Variants in CNTN5 observed in about 807,000 individuals in gnomAD.
CNTN5 encodes contactin 5, also known as contactin-5.
CNTN5 carries 77 observed loss-of-function variants against 129.1 expected under a neutral mutation model. The ratio of observed to expected loss-of-function variants is 0.60; its 90% CI spans 0.50 to 0.72. The LOEUF (loss-of-function observed/expected upper bound fraction) is 0.72, where lower values mean the gene tolerates loss of function less well. Ranked by LOEUF, CNTN5 falls within the 30% of genes least tolerant of loss-of-function variation. The pLI, the probability that CNTN5 is intolerant of heterozygous loss-of-function variation, is 0.00. For missense variants in CNTN5, 1,478 were observed against 1,328.8 expected (o/e 1.11, Z -1.75); for synonymous variants, 509 against 465.6 (o/e 1.09, Z -1.20).
chr11:99,859,559 G>A (rs1948144424), intron 6 of CNTN5, among the ~76,000 whole-genome samples: 2 of 152,056 alleles, frequency 1.3e-5, no homozygotes, highest in African/African-American at 2.4e-5. Context: ...GTATCCACAT[G>A]TACCCATTAT....
Position 99,998,230 on chromosome 11 carries a change from C to T in CNTN5, c.878-3804C>T, listed in dbSNP as rs571504726. ...AAGTCAAATTGTCCCTGTTTGCAGA[C>T]GACATGATTGCACATCCAGAAAACC... is the stretch of plus-strand genomic sequence containing the variant. On this transcript the variant is annotated intron_variant, in intron 8 of 24. Coordinates refer to ENST00000524871, the MANE Select transcript of CNTN5 (RefSeq NM_014361.4). 1.3e-4 allele frequency among the ~76,000 whole-genome samples: 19 copies of T among 151,948 alleles called. No homozygotes were observed. The South Asian group carries it at 2.7e-3, about 22-fold the overall frequency.
chr11:99,473,807 A>C (rs10893384), intron 2 of CNTN5, among the ~76,000 whole-genome samples: 40,156 of 151,720 alleles, frequency 0.26, 5,594 homozygotes, highest in Admixed American at 0.36. Flanking sequence ...ATTATATTTA[A>C]AATATAATAT....
chr11:99,453,987 T>C (rs968637196), intron 2 of CNTN5, among the ~76,000 whole-genome samples: 2 of 152,162 alleles, frequency 1.3e-5, no homozygotes, highest in African/African-American at 4.8e-5. Context: ...GTTGATTTAG[T>C]ATTCCAATCT....
intron 1 of CNTN5, among the ~76,000 whole-genome samples, chr11:99,252,856 G>T (rs149586661): frequency 6.6e-6 from 1 of 151,836 alleles, no homozygotes; most frequent in East Asian, 1.9e-4. Flanking sequence ...CAATGAAGTT[G>T]AATATATTTT....
chr11:99,047,513 C>T (rs563118953), intron 1 of CNTN5, among the ~76,000 whole-genome samples: 2 of 151,972 alleles, frequency 1.3e-5, no homozygotes, highest in African/African-American at 4.8e-5. Context: ...ATTTAACAGT[C>T]TTCTAAGAGC....
chr11:99,313,817 A>G (rs1865219414), intron 1 of CNTN5, among the ~76,000 whole-genome samples: 2 of 152,096 alleles, frequency 1.3e-5, no homozygotes, highest in African/African-American at 4.8e-5. Context: ...CTGCAATAGT[A>G]TATATTGTGC....
chr11:99,117,810 A>C (rs115999304), intron 1 of CNTN5, among the ~76,000 whole-genome samples: 7,412 of 152,138 alleles, frequency 0.049, 205 homozygotes, highest in Middle Eastern at 0.065. Context: ...TCTTCTCCAG[A>C]CTTCTTCCTG....
At chr11:99,658,486 A>G (rs1952464074) in intron 3 of CNTN5, among the ~76,000 whole-genome samples, 1 of 152,084 alleles carries the variant, frequency 6.6e-6, no homozygotes, top group African/African-American at 2.4e-5. Context: ...AAGCTCTCCA[A>G]TCTACAGAGT....
intron 8 of CNTN5, among the ~76,000 whole-genome samples, chr11:99,974,871 GA>G (rs890801607): frequency 1.1e-4 from 16 of 151,480 alleles, no homozygotes; most frequent in South Asian, 4.1e-4. Context: ...GGTTATAAAG[GA>G]AAAAAAATAT....
intron 7 of CNTN5, among the ~76,000 whole-genome samples, chr11:99,942,890 T>G (rs964732319): frequency 1.3e-5 from 2 of 151,884 alleles, no homozygotes. Flanking sequence ...GTATTCCATA[T>G]GTACCACATA....
intron 1 of CNTN5, among the ~76,000 whole-genome samples, chr11:99,214,370 A>AT (rs1358976560): frequency 3.5e-5 from 5 of 144,198 alleles, no homozygotes; most frequent in East Asian, 2.1e-4. Flanking sequence ...AGATACCAAA[A>AT]AATATATATA....
At chr11:99,149,451 C>A (rs1859941235) in intron 1 of CNTN5, among the ~76,000 whole-genome samples, 1 of 151,982 alleles carries the variant, frequency 6.6e-6, no homozygotes, top group Non-Finnish European at 1.5e-5. Flanking sequence ...GATTGCATTT[C>A]TTTTGTGAAG....
At chr11:100,252,382 A>ATTAT (rs1949981145) in intron 16 of CNTN5, among the ~76,000 whole-genome samples, 1 of 151,748 alleles carries the variant, frequency 6.6e-6, no homozygotes, top group African/African-American at 2.4e-5. Context: ...CATTCTGTTG[A>ATTAT]TTATTTCTTT....
At chr11:99,795,492 C>G (rs1945900203) in intron 3 of CNTN5, among the ~76,000 whole-genome samples, 1 of 152,058 alleles carries the variant, frequency 6.6e-6, no homozygotes, top group Non-Finnish European at 1.5e-5. Flanking sequence ...ATAAGGAGAA[C>G]TCTGCCTTAG....
intron 1 of CNTN5, among the ~76,000 whole-genome samples, chr11:99,114,563 T>C (rs1857952285): frequency 6.6e-6 from 1 of 152,060 alleles, no homozygotes; most frequent in African/African-American, 2.4e-5. Context: ...AACCATGTTA[T>C]AGAAGTATCA....
rs370570420 is a variant in CNTN5 at position 99,459,996 on chromosome 11, A to G, written c.-70-96149A>G. On this transcript the variant is annotated intron_variant, in intron 2 of 24. Coordinates refer to ENST00000524871, the MANE Select transcript of CNTN5 (RefSeq NM_014361.4). Reference sequence around the variant, plus strand: ...GAGCAGAGATTATTTTAAAGGAAAAAAAACTGGGTGATTTAGTTTTGTTCT... The same window carrying G: ...GAGCAGAGATTATTTTAAAGGAAAAGAAACTGGGTGATTTAGTTTTGTTCT... 5.9e-5 allele frequency among the ~76,000 whole-genome samples: 9 copies of G among 151,974 alleles called. No individual in the cohort carries two copies. The East Asian group carries it at 1.5e-3, about 26-fold the overall frequency.
chr11:99,152,008 T>TTAAAG (rs1257206980), intron 1 of CNTN5, among the ~76,000 whole-genome samples: 1 of 152,142 alleles, frequency 6.6e-6, no homozygotes, highest in Admixed American at 6.5e-5. Flanking sequence ...ATCCCAGAAC[T>TTAAAG]TAAAGTATAA....
At chr11:100,173,830 G>C (rs1225854091) in intron 13 of CNTN5, among the ~76,000 whole-genome samples, 4 of 152,056 alleles carry the variant, frequency 2.6e-5, no homozygotes, top group Admixed American at 6.6e-5. Flanking sequence ...CACAACAGAA[G>C]TTACATAAGT....
intron 7 of CNTN5, among the ~76,000 whole-genome samples, chr11:99,943,963 A>G (rs1214044957): frequency 6.6e-6 from 1 of 151,994 alleles, no homozygotes; most frequent in Non-Finnish European, 1.5e-5. Context: ...GAAGTCAGGT[A>G]GCATTATGCC....
Sources: gnomAD v4.1 joint callset for allele counts (sites outside exome capture counted in the v4.1 genomes callset) on GRCh38, gnomAD v4.1.1 for gene constraint, MANE v1.5 for transcripts, NCBI Gene and HGNC (gene_info 2026-07-23, HGNC 2026-07-21) for gene names.